SYNE1: variants seen among roughly 807,000 people sequenced by gnomAD.
SYNE1 encodes spectrin repeat containing nuclear envelope protein 1, also known as nesprin-1.
Under a neutral mutation model 1,111.0 loss-of-function variants are expected in SYNE1, and 616 were observed. That is an observed-to-expected ratio of 0.55 (90% confidence interval 0.52 to 0.59). SYNE1 has a LOEUF of 0.59. Among genes scored for constraint, SYNE1 ranks in the 20% least tolerant of loss-of-function variants. The pLI is 0.00. For synonymous variants in SYNE1, 3,855 were observed against 3,825.8 expected (o/e 1.01, Z -0.28); for missense variants, 10,006 against 10,417.0 (o/e 0.96, Z 1.72).
rs1050055853 is a variant in SYNE1 at position 152,446,121 on chromosome 6, T to A, written c.3669+1337A>T. ...TAAAGACAGTCAATTTTTTTTTTTT[T>A]TTTTTTTGGTGAGACAAAATATATT... On this transcript the variant is annotated intron_variant, in intron 29 of 145. Coordinates refer to ENST00000367255, the MANE Select transcript of SYNE1 (RefSeq NM_182961.4). Among the ~76,000 whole-genome samples, 14 of 151,710 alleles carry A rather than the reference T, an allele frequency of 9.2e-5. No individual in the cohort carries two copies. In the East Asian group the frequency reaches 2.3e-3, roughly 25 times the overall value.
At chr6:152,125,416 T>G (rs2053058394) in intron 145 of SYNE1, 2 of 1,499,514 alleles carry the variant, frequency 1.3e-6, no homozygotes, top group Non-Finnish European at 9.0e-7. Flanking sequence ...GTGGGGACAT[T>G]TTGTTTTGAG....
At chr6:152,468,624 C>T (rs1191936458) in intron 16 of SYNE1, among the ~76,000 whole-genome samples, 1 of 152,056 alleles carries the variant, frequency 6.6e-6, no homozygotes, top group African/African-American at 2.4e-5. Context: ...TTCTCTAACA[C>T]TTAAAAAAAG....
Position 152,221,481 on chromosome 6 carries a change from A to C in SYNE1, c.21601T>G (p.Cys7201Gly), listed in dbSNP as rs767506767. The C allele has an allele frequency of 2.5e-6, 4 of 1,613,714 alleles. No homozygotes were observed. The highest frequency in any genetic ancestry group is 3.4e-6 in the Non-Finnish European group (4 of 1,179,932). The change falls in exon 118 of 146, where the codon TGT (cysteine) becomes GGT (glycine). Residue 7201 changes from cysteine to glycine, a missense_variant. This residue lies in a region of SYNE1 where 2,182 missense variants were observed against 2,287.8 expected (regional missense o/e 0.95). Transcript: ENST00000367255. ...AGAGTTTCTGTCACGGGTGGGTGAC[A>C]CTCTTTTAATAATTGGTTGGTGATA... is the stretch of plus-strand genomic sequence containing the variant. ...GSITNQLLKE[C>G]HPPVTETLTN...
At chr6:152,414,281 T>C (rs1454368083) in intron 41 of SYNE1, among the ~76,000 whole-genome samples, 3 of 151,954 alleles carry the variant, frequency 2.0e-5, no homozygotes, top group Non-Finnish European at 4.4e-5. Flanking sequence ...TGGTGGTACA[T>C]GTGTATAGTC....
intron 3 of SYNE1, among the ~76,000 whole-genome samples, chr6:152,615,893 G>A (rs1391482033): frequency 6.6e-6 from 1 of 152,148 alleles, no homozygotes; most frequent in Non-Finnish European, 1.5e-5. Context: ...CACTGAATAA[G>A]ACAAAGTCCA....
At chr6:152,544,618 G>GT (rs2099297932) in intron 3 of SYNE1, among the ~76,000 whole-genome samples, 1 of 151,854 alleles carries the variant, frequency 6.6e-6, no homozygotes, top group African/African-American at 2.4e-5. Flanking sequence ...TTTTCTCAGT[G>GT]TTTTGCCATT....
At chr6:152,403,429 AG>A (rs1222814219) in intron 46 of SYNE1, among the ~76,000 whole-genome samples, 1 of 152,176 alleles carries the variant, frequency 6.6e-6, no homozygotes, top group Non-Finnish European at 1.5e-5. Context: ...ATTCATAAGA[AG>A]GGTTTCTAGG....
At chr6:152,409,760 G>A (rs1466748618) in intron 42 of SYNE1, 51 bp from the exon 43 acceptor site, 9 of 1,598,302 alleles carry the variant, frequency 5.6e-6, no homozygotes, top group Non-Finnish European at 6.8e-6. Flanking sequence ...TCAGGAAAAG[G>A]GAGAGTTGCC....
chr6:152,585,459 G>T (rs1367993217), intron 3 of SYNE1, among the ~76,000 whole-genome samples: 1 of 152,202 alleles, frequency 6.6e-6, no homozygotes, highest in Non-Finnish European at 1.5e-5. Context: ...CTAATTGGAG[G>T]AATATTGCCT....
rs745751261 is a variant in SYNE1, at chr6:152,387,023, A to G, written c.8487+49T>C. On this transcript the variant is annotated intron_variant, in intron 54 of 145. Transcript: ENST00000367255. ...TTATATTATTAATATAAATCAATAT[A>G]TTGTATTAATGTATTATAAAGCATC... 4 of 1,451,320 alleles carry G rather than the reference A, an allele frequency of 2.8e-6. No homozygotes were observed. The African/African-American group carries it at 4.3e-5, about 16-fold the overall frequency. 89.9% of individuals were successfully genotyped at this position (1,451,320 alleles called of 1,614,324 possible).
Position 152,330,305 on chromosome 6 carries a change from G to A in SYNE1, c.14380C>T (p.Leu4794=), listed in dbSNP as rs138307449. ...EKMCQQLERQ[L]KSVKEEQSKV... Reference sequence around the variant, plus strand: ...GACTGCTCCTCTTTTACAGACTTCAGTTGTCTCTCCAGCTGTTGGCACATC... The same window carrying A: ...GACTGCTCCTCTTTTACAGACTTCAATTGTCTCTCCAGCTGTTGGCACATC... Residue 4794 remains leucine (L), a synonymous_variant, in exon 78 of 146, where the codon CTG becomes TTG. Transcript: ENST00000367255. 2.0e-4 allele frequency: 329 copies of A among 1,614,102 alleles called. No homozygotes were observed. Among genetic ancestry groups the A allele is most frequent in the Admixed American group, 3.3e-4 (20 of 60,022 alleles).
At chr6:152,405,768 T>G (rs1014125701) in intron 45 of SYNE1, among the ~76,000 whole-genome samples, 9 of 152,194 alleles carry the variant, frequency 5.9e-5, no homozygotes, top group Admixed American at 5.9e-4. Context: ...CCCCTGCCTG[T>G]ACTTTTAGTC....
chr6:152,184,679 A>G (rs2069260852), intron 128 of SYNE1, among the ~76,000 whole-genome samples: 1 of 147,528 alleles, frequency 6.8e-6, no homozygotes, highest in South Asian at 2.2e-4. Flanking sequence ...TAGATAGATA[A>G]AATATATATT....
At chr6:152,462,450 G>A in intron 20 of SYNE1, 5 of 520,850 alleles carry the variant, frequency 9.6e-6, no homozygotes, top group Non-Finnish European at 1.7e-5. Flanking sequence ...TTTAGGTGCG[G>A]GTGCTATCTA....
At chr6:152,503,053 A>G (rs1457196155) in intron 9 of SYNE1, among the ~76,000 whole-genome samples, 3 of 152,202 alleles carry the variant, frequency 2.0e-5, no homozygotes, top group Non-Finnish European at 4.4e-5. Flanking sequence ...ATACGGTATG[A>G]TTCCTCATAC....
intron 3 of SYNE1, among the ~76,000 whole-genome samples, chr6:152,587,680 G>T (rs1375462343): frequency 6.6e-6 from 1 of 152,046 alleles, no homozygotes; most frequent in Non-Finnish European, 1.5e-5. Context: ...TCTTGTAGAG[G>T]GTCTGCTGTG....
At chr6:152,227,278 A>G (rs2153492679) in intron 115 of SYNE1, among the ~76,000 whole-genome samples, 1 of 152,278 alleles carries the variant, frequency 6.6e-6, no homozygotes, top group East Asian at 1.9e-4. Context: ...TATATAAAAT[A>G]TATTTTAAGC....
chr6:152,471,960 G>T (rs1024129425), intron 15 of SYNE1, 195 bp from the exon 16 acceptor site: 1 of 628,402 alleles, frequency 1.6e-6, no homozygotes, highest in Non-Finnish European at 2.7e-6. Context: ...TGAAGTCTTC[G>T]ATTTAGTTCT....
At chr6:152,324,951 T>C in intron 81 of SYNE1, 133 bp downstream of exon 81, 1 of 1,039,338 alleles carries the variant, frequency 9.6e-7, no homozygotes, top group Non-Finnish European at 1.5e-6. Flanking sequence ...AATTTTTATG[T>C]CACTGAAACA....
Sources: gnomAD v4.1 joint callset for allele counts (sites outside exome capture counted in the v4.1 genomes callset) on GRCh38, gnomAD v4.1.1 for gene constraint, gnomAD v4.1.1 regional missense constraint, MANE v1.5 for transcripts, NCBI Gene and HGNC (gene_info 2026-07-23, HGNC 2026-07-21) for gene names.